SMNDC1: variants seen among roughly 807,000 people sequenced by gnomAD.
SMNDC1 encodes survival motor neuron domain containing 1.
In SMNDC1, 5 loss-of-function variants were observed where a neutral mutation model predicts 29.2. The ratio of observed to expected loss-of-function variants is 0.17; its 90% CI spans 0.09 to 0.36. The LOEUF is 0.36. Among genes scored for constraint, SMNDC1 ranks in the 10% least tolerant of loss-of-function variants. The pLI is 1.00. For missense variants in SMNDC1, 142 were observed against 268.5 expected, an observed-to-expected ratio of 0.53 and a Z score of 3.29; for synonymous variants, 80 against 89.9, an observed-to-expected ratio of 0.89 and a Z score of 0.62.
chr10:110,292,970 G>A lies in SMNDC1; in HGVS notation c.*1180C>T, dbSNP rs1392872917. The A allele has an allele frequency of 6.6e-6, 1 of 152,216 alleles. No homozygotes were observed. Among genetic ancestry groups the A allele is most frequent in the East Asian group, 1.9e-4 (1 of 5,186 alleles). The allele number at this position is 152,216 out of a possible 1,614,324, so 9.4% of individuals were successfully genotyped here. A position where few individuals can be genotyped will look rare whatever the true frequency, so the allele number is the denominator to read the frequency against. On this transcript the variant is annotated 3_prime_UTR_variant, in exon 6 of 6. Coordinates refer to ENST00000369603, the MANE Select transcript of SMNDC1 (RefSeq NM_005871.4). ...GTATTCTCTTGCATGAATGCCGTGT[G>A]CAAGTACTTGGAGGTTTAATTGCTT...
At chr10:110,298,279 A>G (rs987263463) in intron 3 of SMNDC1, among the ~76,000 whole-genome samples, 6 of 152,152 alleles carry the variant, frequency 3.9e-5, no homozygotes, top group Non-Finnish European at 7.4e-5. Context: ...ATGAGCCACC[A>G]CACCCAGCGA....
intron 4 of SMNDC1, 39 bp downstream of exon 4, chr10:110,297,528 G>A: frequency 6.3e-7 from 1 of 1,590,244 alleles, no homozygotes; most frequent in Non-Finnish European, 8.6e-7. Context: ...TCCAAATGGG[G>A]AAGATTGCAC....
intron 4 of SMNDC1, among the ~76,000 whole-genome samples, chr10:110,295,832 G>A (rs886416322): frequency 1.3e-5 from 2 of 152,122 alleles, no homozygotes; most frequent in Admixed American, 6.5e-5. Flanking sequence ...AGTAGAGATA[G>A]GGTTTCACCA....
Position 110,297,563 on chromosome 10 carries a change from T to C in SMNDC1, c.425+4A>G. 1 of 1,612,240 alleles carries C rather than the reference T, an allele frequency of 6.2e-7. No individual in the cohort carries two copies. The highest frequency in any genetic ancestry group is 8.5e-7 in the Non-Finnish European group (1 of 1,179,210). ...CCTAAAATGGAAAAGTCAAAGTCACTTACTTTGACATGGGTTTGTTGCCAC... is the reference window on the plus strand; with the variant it reads ...CCTAAAATGGAAAAGTCAAAGTCACCTACTTTGACATGGGTTTGTTGCCAC... On this transcript the variant is annotated splice_donor_region_variant and intron_variant, in intron 4 of 5. Transcript: ENST00000369603.
chr10:110,298,910 A>T (rs551246992), intron 2 of SMNDC1, 120 bp from the exon 3 acceptor site: 1 of 691,782 alleles, frequency 1.4e-6, no homozygotes, highest in Non-Finnish European at 2.4e-6. Flanking sequence ...TTTGCAGCTC[A>T]TAACACTATT....
chr10:110,291,055 G>C lies in SMNDC1; in HGVS notation c.*3095C>G, dbSNP rs957051769. The stretch of plus-strand genomic sequence containing the variant: ...ACAAGCAATTTTTTAAAAAAAATGT[G>C]TTGCTACAGTAACTGATGCATCTTG... On this transcript the variant is annotated 3_prime_UTR_variant, in exon 6 of 6. Transcript: ENST00000369603. The C allele has an allele frequency of 3.3e-5, 5 of 152,148 alleles. No homozygotes were observed. 9.4% of individuals were successfully genotyped at this position (152,148 alleles called of 1,614,324 possible). A position where few individuals can be genotyped will look rare whatever the true frequency, so the allele number is the denominator to read the frequency against.
chr10:110,295,675 G>A (rs1055674631), intron 4 of SMNDC1, among the ~76,000 whole-genome samples: 10 of 134,156 alleles, frequency 7.5e-5, no homozygotes, highest in Non-Finnish European at 1.4e-4. Flanking sequence ...TTGTTCTGTT[G>A]CCCAGACTGG....
At chr10:110,302,289 T>C (rs1190731281) in intron 2 of SMNDC1, among the ~76,000 whole-genome samples, 2 of 152,224 alleles carry the variant, frequency 1.3e-5, no homozygotes, top group African/African-American at 4.8e-5. Context: ...ACATCTTTTT[T>C]GTATTGACTG....
intron 5 of SMNDC1, 56 bp downstream of exon 5, chr10:110,295,172 T>C: frequency 6.8e-7 from 1 of 1,474,144 alleles, no homozygotes; most frequent in Non-Finnish European, 9.2e-7. Context: ...ATTTTAAAGT[T>C]ATTTTAATGA....
intron 4 of SMNDC1, among the ~76,000 whole-genome samples, chr10:110,297,200 C>T (rs570360038): frequency 8.5e-5 from 13 of 152,282 alleles, no homozygotes; most frequent in African/African-American, 2.9e-4. Flanking sequence ...GTAATGTTTA[C>T]ACTGTACTAT....
rs1178698674 is a variant in SMNDC1, at chr10:110,297,694, C to T, written c.298G>A (p.Glu100Lys). 3 of 1,613,870 alleles carry T rather than the reference C, an allele frequency of 1.9e-6. No individual in the cohort carries two copies. The highest frequency in any genetic ancestry group is 2.5e-6 in the Non-Finnish European group (3 of 1,179,948). ...AAGGTGATTGCAGCGGTGCCATTTTCTTCATCTATCTCCTCAATCTCCGCT... is the reference window on the plus strand; with the variant it reads ...AAGGTGATTGCAGCGGTGCCATTTTTTTCATCTATCTCCTCAATCTCCGCT... ...YEAEIEEIDE[E>K]NGTAAITFAG... Residue 100 changes from glutamate (E) to lysine (K), a missense_variant, in exon 4 of 6, where the codon GAA becomes AAA. By Grantham distance (56) the Glu-to-Lys change is moderately conservative (BLOSUM62 1). Transcript: ENST00000369603.
intron 2 of SMNDC1, 100 bp from the exon 3 acceptor site, chr10:110,298,890 A>G (rs2134501877): frequency 2.5e-6 from 2 of 814,418 alleles, no homozygotes; most frequent in Admixed American, 5.3e-5. Context: ...AGTACTCTAC[A>G]TATATTTCAT....
intron 2 of SMNDC1, chr10:110,300,698 G>A: frequency 1.0e-6 from 1 of 985,382 alleles, no homozygotes; most frequent in Non-Finnish European, 1.2e-6. Context: ...CAAGCACTCT[G>A]CTTACTGAAG....
chr10:110,292,573 CAA>C lies in SMNDC1; in HGVS notation c.*1575_*1576del, dbSNP rs926454799. The C allele has an allele frequency of 3.9e-5, 6 of 152,082 alleles. No individual in the cohort carries two copies. Among genetic ancestry groups the C allele is most frequent in the African/African-American group, 1.4e-4 (6 of 41,396 alleles). The allele number at this position is 152,082 out of a possible 1,614,324, so 9.4% of individuals were successfully genotyped here. A position where few individuals can be genotyped will look rare whatever the true frequency, so the allele number is the denominator to read the frequency against. ...ATAAGCTCTTAAGATGTTACAATAA[CAA>C]AGTATATTTTATTTAGAAGTTTACA... On this transcript the variant is annotated 3_prime_UTR_variant, in exon 6 of 6. Transcript: ENST00000369603.
Position 110,303,543 on chromosome 10 carries a change from C to G in SMNDC1, c.45G>C (p.Gln15His), listed in dbSNP as rs1857689868. ...ATAATGCAGCTTCAACTTGCTGGAG[C>G]TGAGCTTTGTAGCTTGCCAGCTGCT... ...LAKQLASYKA[Q>H]LQQVEAALSG... The change falls in exon 2 of 6, where the codon CAG (glutamine) becomes CAC (histidine). Residue 15 changes from glutamine to histidine, a missense_variant. Around this residue, in one of 4 missense-constraint regions of SMNDC1, gnomAD observed 20 missense variants for 21.4 expected, o/e 0.93. Coordinates refer to ENST00000369603, the MANE Select transcript of SMNDC1 (RefSeq NM_005871.4). The G allele has an allele frequency of 6.3e-7, 1 of 1,582,332 alleles. No individual in the cohort carries two copies. The highest frequency in any genetic ancestry group is 8.6e-7 in the Non-Finnish European group (1 of 1,167,868).
intron 2 of SMNDC1, among the ~76,000 whole-genome samples, chr10:110,301,114 G>C (rs1406709896): frequency 6.6e-6 from 1 of 152,176 alleles, no homozygotes; most frequent in Non-Finnish European, 1.5e-5. Flanking sequence ...CAAGAAATTA[G>C]AAACCATATG....
chr10:110,297,419 C>G (rs923824296), intron 4 of SMNDC1, 148 bp downstream of exon 4: 5 of 693,948 alleles, frequency 7.2e-6, no homozygotes, highest in East Asian at 2.7e-5. Flanking sequence ...CACACTTACA[C>G]AGACAATGTT....
At position 110,291,535 on chromosome 10, in the gene SMNDC1, C is replaced by G. The variant is rs1857499614; in HGVS notation, c.*2615G>C. 1 of 152,196 alleles carries G rather than the reference C, an allele frequency of 6.6e-6. No homozygotes were observed. The highest frequency in any genetic ancestry group is 2.4e-5 in the African/African-American group (1 of 41,438). 9.4% of individuals were successfully genotyped at this position (152,196 alleles called of 1,614,324 possible). A position where few individuals can be genotyped will look rare whatever the true frequency, so the allele number is the denominator to read the frequency against. ...CAGATAATTCACCACTGCCACTCTGCAGAGTAATAGCAGACGCTTCTATAG... is the reference window on the plus strand; with the variant it reads ...CAGATAATTCACCACTGCCACTCTGGAGAGTAATAGCAGACGCTTCTATAG... On this transcript the variant is annotated 3_prime_UTR_variant, in exon 6 of 6. Coordinates refer to ENST00000369603, the MANE Select transcript of SMNDC1 (RefSeq NM_005871.4).
At chr10:110,298,389 GATT>G (rs1336685133) in intron 3 of SMNDC1, among the ~76,000 whole-genome samples, 6 of 152,188 alleles carry the variant, frequency 3.9e-5, no homozygotes, top group South Asian at 2.1e-4. Context: ...AAATAATTTA[GATT>G]ATTTTAGAAA....
Sources: gnomAD v4.1 joint callset for allele counts (sites outside exome capture counted in the v4.1 genomes callset) on GRCh38, gnomAD v4.1.1 for gene constraint, gnomAD v4.1.1 regional missense constraint, MANE v1.5 for transcripts, NCBI Gene and HGNC (gene_info 2026-07-23, HGNC 2026-07-21) for gene names.